Variants in ADGRG1 observed in about 807,000 individuals in gnomAD.
ADGRG1 encodes 7-transmembrane protein with no EGF-like N-terminal domains-1.
A neutral mutation model predicts 73.5 loss-of-function variants in ADGRG1; 53 were observed. That is an observed-to-expected ratio of 0.72 (90% CI 0.58 to 0.91). The LOEUF (loss-of-function observed/expected upper bound fraction) is 0.91. ADGRG1 is among the 40% of genes least tolerant of loss of function. The probability of loss-of-function intolerance (pLI) is 0.00; values close to 1 mark genes in which losing one functional copy is unlikely to be tolerated. For missense variants in ADGRG1, 795 were observed against 871.8 expected (o/e 0.91, Z 1.11); for synonymous variants, 394 against 374.4 (o/e 1.05, Z -0.60).
chr16:57,647,074 T>TGGGC, intron 1 of ADGRG1: 3 of 64,114 alleles, frequency 4.7e-5, no homozygotes, highest in Non-Finnish European at 5.3e-5. Flanking sequence ...GGTGGGTGGG[T>TGGGC]GGGCAGGTGG....
intron 1 of ADGRG1, chr16:57,647,682 G>A (rs2043026212): frequency 7.1e-5 from 43 of 601,598 alleles, no homozygotes; most frequent in Non-Finnish European, 8.3e-5. Context: ...GTTAAAGGAA[G>A]CCAGCCAGCC....
chr16:57,635,474 C>A, intron 1 of ADGRG1: 1 of 985,432 alleles, frequency 1.0e-6, no homozygotes, highest in Non-Finnish European at 1.2e-6. Context: ...GCCAGTGTCT[C>A]TTCATGGAGA....
chr16:57,646,216 C>A, intron 1 of ADGRG1: 1 of 205,596 alleles, frequency 4.9e-6, no homozygotes, highest in African/African-American at 2.3e-5. Context: ...TTGGCCTGGG[C>A]AGCGGTGACT....
At chr16:57,636,055 C>T (rs1188893713) in intron 1 of ADGRG1, 1 of 985,382 alleles carries the variant, frequency 1.0e-6, no homozygotes, top group South Asian at 4.7e-5. Flanking sequence ...GCCATAGGCA[C>T]GTGCCCTTTC....
chr16:57,640,064 C>CTTGTT, intron 1 of ADGRG1: 1 of 159,806 alleles, frequency 6.3e-6, no homozygotes, highest in Non-Finnish European at 1.3e-5. Context: ...AGAAACAAGC[C>CTTGTT]TCTGACAAGT....
chr16:57,632,388 G>A lies in ADGRG1; in HGVS notation c.-36+3586G>A, dbSNP rs938863623. 6.8e-6 allele frequency: 6 copies of A among 887,470 alleles called. No homozygotes were observed. In the African/African-American group the frequency reaches 7.3e-5, roughly 11 times the overall value. The allele number at this position is 887,470 out of a possible 1,614,324, so 55.0% of individuals were successfully genotyped here. On this transcript the variant is annotated intron_variant, in intron 1 of 13. Transcript: ENST00000562631. Reference sequence around the variant, plus strand: ...GCCTCGGTTTCCTCATCTGTAAACTGTGGATCACAATCACATCTGCTTCAG... The same window carrying A: ...GCCTCGGTTTCCTCATCTGTAAACTATGGATCACAATCACATCTGCTTCAG...
chr16:57,626,418 A>G (rs1173381029), upstream of ADGRG1, among the ~76,000 whole-genome samples: 1 of 152,190 alleles, frequency 6.6e-6, no homozygotes, highest in East Asian at 1.9e-4. Flanking sequence ...GATGCTGAAT[A>G]CCAACTCCAG....
At chr16:57,634,003 T>A (rs1422270332) in intron 1 of ADGRG1, 1 of 852,782 alleles carries the variant, frequency 1.2e-6, no homozygotes, top group African/African-American at 1.8e-5. Context: ...GCTGGGGAGC[T>A]GAGCTGGAGC....
intron 1 of ADGRG1, chr16:57,646,274 C>T (rs746779063): frequency 2.3e-4 from 132 of 578,076 alleles, no homozygotes; most frequent in Non-Finnish European, 2.7e-4. Context: ...GAAAGCGAGC[C>T]GTGGGTCCCC....
At chr16:57,656,446 T>TG (rs1847743055) in intron 8 of ADGRG1, 68 bp from the exon 9 acceptor site, 3 of 1,595,334 alleles carry the variant, frequency 1.9e-6, no homozygotes, top group Non-Finnish European at 2.6e-6. Flanking sequence ...GTCGTGCTTT[T>TG]GGGGGTGGAC....
In ADGRG1 at chr16:57,661,665, C is replaced by T. The variant is rs535298204; in HGVS notation, c.1665-32C>T. 35 of 1,602,288 alleles carry T rather than the reference C, an allele frequency of 2.2e-5. No homozygotes were observed. The South Asian group carries it at 3.7e-4, about 17-fold the overall frequency. On this transcript the variant is annotated intron_variant, in intron 12 of 13. Coordinates refer to ENST00000562631, the MANE Select transcript of ADGRG1 (RefSeq NM_201525.4). Reference sequence around the variant, plus strand: ...CCCAGGAAATGCTGCCCGTGCTGGCCACACGCTGAGCCCTCCTGCCTTTGC... The same window carrying T: ...CCCAGGAAATGCTGCCCGTGCTGGCTACACGCTGAGCCCTCCTGCCTTTGC...
chr16:57,660,364 A>G (rs2046785167), intron 11 of ADGRG1: 1 of 984,894 alleles, frequency 1.0e-6, no homozygotes, highest in Non-Finnish European at 1.2e-6. Context: ...AGCCCCCTCT[A>G]GGGAGCTTCT....
Position 57,651,543 on chromosome 16 carries a change from A to C in ADGRG1, c.408A>C (p.Leu136Phe). ...GCCTGGCTCAGGGCCCCCCGCTGTTAGCCACTTCTGTCACCTCCTGGTGGA... is the reference window on the plus strand; with the variant it reads ...GCCTGGCTCAGGGCCCCCCGCTGTTCGCCACTTCTGTCACCTCCTGGTGGA... ...EESLAQGPPLLATSVTSWWSP... is the reference protein window; with the variant it reads ...EESLAQGPPLFATSVTSWWSP... Residue 136 changes from leucine to phenylalanine, a missense_variant, in exon 3 of 14, where the codon TTA becomes TTC. Leu to Phe is a conservative substitution (Grantham distance 22). Coordinates refer to ENST00000562631, the MANE Select transcript of ADGRG1 (RefSeq NM_201525.4). 2 of 1,614,168 alleles carry C rather than the reference A, an allele frequency of 1.2e-6. No individual in the cohort carries two copies. The highest frequency in any genetic ancestry group is 1.7e-6 in the Non-Finnish European group (2 of 1,180,028).
At chr16:57,632,530 A>AT (rs2038249627) in intron 1 of ADGRG1, among the ~76,000 whole-genome samples, 1 of 152,136 alleles carries the variant, frequency 6.6e-6, no homozygotes, top group South Asian at 2.1e-4. Context: ...AGATGGCTGT[A>AT]TTGAGGCCCA....
chr16:57,645,001 CACTCATGCAT>C (rs1427500969), intron 1 of ADGRG1: 1 of 866,458 alleles, frequency 1.2e-6, no homozygotes, highest in Non-Finnish European at 1.4e-6. Flanking sequence ...CACACATGCA[CACTCATGCAT>C]GGGCGCACAC....
At chr16:57,653,871 C>A in intron 4 of ADGRG1, 115 bp from the exon 5 acceptor site, 1 of 1,593,618 alleles carries the variant, frequency 6.3e-7, no homozygotes. Context: ...CTGCCTCTGC[C>A]TCTGCCTCTG....
At chr16:57,639,558 G>A (rs2040230615) in intron 1 of ADGRG1, 9 of 985,246 alleles carry the variant, frequency 9.1e-6, no homozygotes, top group Non-Finnish European at 1.1e-5. Context: ...AAGGTGGTCG[G>A]GGGACATTGA....
upstream of ADGRG1, chr16:57,623,906 C>T: frequency 1.3e-6 from 1 of 797,256 alleles, no homozygotes; most frequent in Non-Finnish European, 1.5e-6. Context: ...GACTCTGTTG[C>T]CAACTTGCTG....
rs1189499941 is a variant in ADGRG1 at position 57,657,365 on chromosome 16, G to A, written c.1168-8G>A. On this transcript the variant is annotated splice_polypyrimidine_tract_variant and splice_region_variant and intron_variant, in intron 9 of 13. Transcript: ENST00000562631. Reference sequence around the variant, plus strand: ...AGAGGCCAGCTCTCTCCTGTCTCCTGGGGCCAGGTCTCCTCGGTGGAGGTG... The same window carrying A: ...AGAGGCCAGCTCTCTCCTGTCTCCTAGGGCCAGGTCTCCTCGGTGGAGGTG... 2 of 1,613,648 alleles carry A rather than the reference G, an allele frequency of 1.2e-6. No homozygotes were observed. Among genetic ancestry groups the A allele is most frequent in the Admixed American group, 1.7e-5 (1 of 60,010 alleles).
Sources: gnomAD v4.1 joint callset for allele counts (sites outside exome capture counted in the v4.1 genomes callset) on GRCh38, gnomAD v4.1.1 for gene constraint, MANE v1.5 for transcripts, NCBI Gene and HGNC (gene_info 2026-07-23, HGNC 2026-07-21) for gene names.